The following TANK variants were observed in gnomAD, a reference collection of about 807,000 sequenced individuals.
TANK encodes the protein TRAF family member associated NFKB activator.
Under a neutral mutation model 43.6 loss-of-function variants are expected in TANK, and 15 were observed. The observed-to-expected ratio is 0.34, with a 90% CI of 0.23 to 0.53. TANK has a LOEUF of 0.53. Ranked by LOEUF, TANK falls within the 20% of genes least tolerant of loss-of-function variation. The pLI, the probability that TANK is intolerant of heterozygous loss-of-function variation, is 0.94. For synonymous variants in TANK, 162 were observed against 178.2 expected (o/e 0.91, Z 0.73); for missense variants, 417 against 498.6 (o/e 0.84, Z 1.56).
chr2:161,229,294 G>C (rs1349593196), intron 6 of TANK, among the ~76,000 whole-genome samples: 1 of 152,190 alleles, frequency 6.6e-6, no homozygotes, highest in Non-Finnish European at 1.5e-5. Flanking sequence ...GAGATGACCA[G>C]GGGCCAGTCA....
chr2:161,185,748 A>G (rs1685631005), intron 2 of TANK, among the ~76,000 whole-genome samples: 1 of 149,632 alleles, frequency 6.7e-6, no homozygotes, highest in East Asian at 2.0e-4. Flanking sequence ...GCATTGGGAG[A>G]TATACCTAAT....
At chr2:161,234,123 T>C (rs1688058236) in intron 7 of TANK, among the ~76,000 whole-genome samples, 1 of 152,198 alleles carries the variant, frequency 6.6e-6, no homozygotes, top group African/African-American at 2.4e-5. Flanking sequence ...TTTACACCAA[T>C]TGTACACAGC....
intron 2 of TANK, chr2:161,200,905 C>T (rs1686376835): frequency 5.7e-6 from 1 of 174,486 alleles, no homozygotes; most frequent in Admixed American, 6.6e-5. Flanking sequence ...ATTTCTTTAA[C>T]AAGTTAATTA....
chr2:161,192,705 T>G (rs924919840), intron 2 of TANK, among the ~76,000 whole-genome samples: 3 of 152,230 alleles, frequency 2.0e-5, no homozygotes, highest in Non-Finnish European at 4.4e-5. Flanking sequence ...TAAATTCATA[T>G]TACTTCATAA....
At chr2:161,141,665 T>G (rs1683750584) in intron 1 of TANK, among the ~76,000 whole-genome samples, 1 of 152,222 alleles carries the variant, frequency 6.6e-6, no homozygotes, top group Non-Finnish European at 1.5e-5. Flanking sequence ...CATGATCTCA[T>G]TCTTTTTTAT....
At position 161,230,981 on chromosome 2, in the gene TANK, C is replaced by T. The variant is rs761587720; in HGVS notation, c.531C>T (p.Cys177=). ...NIPDTATETQ[C]SVPIQCTDKT... is the part of the protein sequence containing the mutation. ...TTCTTCTCCCTCCAGAAACACAGTG[C>T]TCTGTGCCTATACAGTGTACGGATA... Residue 177 remains cysteine (C), a synonymous_variant, in exon 7 of 8, where the codon TGC becomes TGT. Coordinates refer to ENST00000392749, the MANE Select transcript of TANK (RefSeq NM_001199135.3). 2 of 1,613,642 alleles carry T rather than the reference C, an allele frequency of 1.2e-6. No individual in the cohort carries two copies. The highest frequency in any genetic ancestry group is 1.1e-5 in the South Asian group (1 of 91,062).
chr2:161,196,527 A>G (rs1009920604), intron 2 of TANK, among the ~76,000 whole-genome samples: 7 of 152,068 alleles, frequency 4.6e-5, no homozygotes, highest in African/African-American at 1.7e-4. Flanking sequence ...TAGCTCTACT[A>G]TCTACTGGGA....
intron 1 of TANK, among the ~76,000 whole-genome samples, chr2:161,143,697 T>C (rs2105214894): frequency 6.6e-6 from 1 of 152,312 alleles, no homozygotes. Flanking sequence ...CTTTTTGATG[T>C]GCTTTTGGAT....
chr2:161,233,983 C>G (rs891082060), intron 7 of TANK, among the ~76,000 whole-genome samples: 2 of 151,996 alleles, frequency 1.3e-5, no homozygotes, highest in African/African-American at 4.8e-5. Flanking sequence ...AATTTTATAA[C>G]ATTTATTTTA....
At chr2:161,165,925 T>TAAGAA (rs988473419) in intron 1 of TANK, among the ~76,000 whole-genome samples, 7 of 152,204 alleles carry the variant, frequency 4.6e-5, no homozygotes, top group African/African-American at 1.2e-4. Context: ...GTTATACTGT[T>TAAGAA]TAGTTGTGCA....
chr2:161,221,191 A>C (rs2105377724), intron 4 of TANK, among the ~76,000 whole-genome samples: 1 of 152,314 alleles, frequency 6.6e-6, no homozygotes, highest in African/African-American at 2.4e-5. Flanking sequence ...TTCATTCCAC[A>C]AGTTCAGCAT....
chr2:161,230,137 A>G (rs1192846266), intron 6 of TANK, among the ~76,000 whole-genome samples: 2 of 152,210 alleles, frequency 1.3e-5, no homozygotes, highest in Non-Finnish European at 2.9e-5. Flanking sequence ...AATACCACCA[A>G]GTTTGTTAGA....
At chr2:161,143,475 T>C (rs1184519155) in intron 1 of TANK, among the ~76,000 whole-genome samples, 1 of 152,180 alleles carries the variant, frequency 6.6e-6, no homozygotes, top group Non-Finnish European at 1.5e-5. Flanking sequence ...TCTTTTTATT[T>C]TGAGATATGT....
At chr2:161,171,441 T>TG (rs1457575009) in intron 1 of TANK, among the ~76,000 whole-genome samples, 1 of 152,198 alleles carries the variant, frequency 6.6e-6, no homozygotes, top group Non-Finnish European at 1.5e-5. Context: ...AGTTGTGACT[T>TG]GCAAATCCAG....
At chr2:161,222,836 TACTC>T (rs1362835552) in intron 4 of TANK, 1 of 152,022 alleles carries the variant, frequency 6.6e-6, no homozygotes, top group Non-Finnish European at 1.5e-5. Flanking sequence ...ATAAAAATAA[TACTC>T]TATATATTTA....
intron 2 of TANK, among the ~76,000 whole-genome samples, chr2:161,184,058 G>A (rs879454743): frequency 5.3e-5 from 8 of 152,058 alleles, no homozygotes; most frequent in Non-Finnish European, 1.0e-4. Flanking sequence ...GAAGAAGCAG[G>A]AGGAGCACTA....
At position 161,138,982 on chromosome 2, in the gene TANK, G is replaced by A. The variant is rs144398298; in HGVS notation, c.-50+1919G>A. ...TATTTTGTTTTGTCTTCTTGTGTGT[G>A]TAGTAAAGGTACTTGATAGGGATAT... On this transcript the variant is annotated intron_variant, in intron 1 of 7. Coordinates refer to the TANK transcript ENST00000259075. Among the ~76,000 whole-genome samples the A allele has an allele frequency of 2.7e-3, 411 of 152,254 alleles. 2 individuals are homozygous for A. Among genetic ancestry groups the A allele is most frequent in the African/African-American group, 9.6e-3 (401 of 41,562 alleles).
intron 2 of TANK, chr2:161,201,041 A>C (rs935121249): frequency 1.1e-6 from 1 of 934,204 alleles, no homozygotes; most frequent in East Asian, 1.2e-4. Context: ...GAAATCAGAC[A>C]TTAGACAATT....
At chr2:161,228,466 G>T (rs1687742543) in intron 6 of TANK, among the ~76,000 whole-genome samples, 2 of 152,216 alleles carry the variant, frequency 1.3e-5, no homozygotes, top group Non-Finnish European at 2.9e-5. Flanking sequence ...GGGAGGCAGA[G>T]GTTGCGGTGA....
Sources: allele counts gnomAD v4.1 joint callset (sites outside exome capture counted in the v4.1 genomes callset), GRCh38; gene constraint gnomAD v4.1.1; transcripts MANE v1.5; gene names NCBI Gene and HGNC (gene_info 2026-07-23, HGNC 2026-07-21).